ERCC1: variants seen among roughly 807,000 people sequenced by gnomAD.
The protein encoded by ERCC1 is ERCC excision repair 1, endonuclease non-catalytic subunit.
A neutral mutation model predicts 37.6 loss-of-function variants in ERCC1; 36 were observed. The ratio of observed to expected loss-of-function variants is 0.96; its 90% confidence interval spans 0.73 to 1.26. ERCC1 has a LOEUF of 1.26. Among genes scored for constraint, ERCC1 ranks in the 50% most tolerant of loss-of-function variants. The pLI, the probability that ERCC1 is intolerant of heterozygous loss-of-function variation, is 0.00. For missense variants in ERCC1, 349 were observed against 376.5 expected, an observed-to-expected ratio of 0.93 and a Z score of 0.60; for synonymous variants, 156 against 162.1, an observed-to-expected ratio of 0.96 and a Z score of 0.28.
intron 1 of ERCC1, among the ~76,000 whole-genome samples, chr19:45,429,951 A>AT (rs896875063): frequency 5.3e-5 from 8 of 152,048 alleles, no homozygotes; most frequent in East Asian, 1.9e-4. Flanking sequence ...CACCCAGCTA[A>AT]TTTTTTATTT....
At chr19:45,447,830 G>T (rs1338952199) in intron 1 of ERCC1, among the ~76,000 whole-genome samples, 1 of 151,958 alleles carries the variant, frequency 6.6e-6, no homozygotes, top group African/African-American at 2.4e-5. Context: ...AATCACCTGG[G>T]GAGTAACTCA....
chr19:45,423,799 G>A lies in ERCC1; in HGVS notation c.-26C>T. On this transcript the variant is annotated 5_prime_UTR_variant, in exon 1 of 10. Transcript: ENST00000300853. ...CCCGCACCTGTGGTCCGGGCCTCAC[G>A]GTTTCAGCGCCGCGAGGCCTCACCT... 5.3e-6 allele frequency: 6 copies of A among 1,122,112 alleles called. No individual in the cohort carries two copies. The South Asian group carries it at 1.2e-4, about 23-fold the overall frequency. 69.5% of individuals were successfully genotyped at this position (1,122,112 alleles called of 1,614,324 possible). A position where few individuals can be genotyped will look rare whatever the true frequency, so the allele number is the denominator to read the frequency against.
upstream of ERCC1, among the ~76,000 whole-genome samples, chr19:45,427,650 G>A (rs1974728165): frequency 6.6e-6 from 1 of 152,174 alleles, no homozygotes; most frequent in Admixed American, 6.6e-5. Context: ...ATATGCCTCT[G>A]TATCCAAGAC....
intron 1 of ERCC1, among the ~76,000 whole-genome samples, chr19:45,438,273 G>A (rs1299971611): frequency 1.3e-5 from 2 of 151,816 alleles, no homozygotes; most frequent in Non-Finnish European, 2.9e-5. Flanking sequence ...TCACTACATT[G>A]CCCAGATTAG....
At chr19:45,426,959 T>TCAAAAAAAAAAAAA (rs35772076), upstream of ERCC1, among the ~76,000 whole-genome samples, 1 of 92,466 alleles carries the variant, frequency 1.1e-5, no homozygotes. Context: ...AAACTCCATC[T>TCAAAAAAAAAAAAA]AAAAAAAAAA....
chr19:45,433,962 G>A (rs112884068), intron 1 of ERCC1, among the ~76,000 whole-genome samples: 11,658 of 151,406 alleles, frequency 0.077, 1,450 homozygotes, highest in African/African-American at 0.27. Flanking sequence ...GTGAAACCCC[G>A]TCTCTACTAA....
chr19:45,411,987 G>C (rs1973767459), intron 9 of ERCC1, among the ~76,000 whole-genome samples: 1 of 151,632 alleles, frequency 6.6e-6, no homozygotes, highest in South Asian at 2.1e-4. Flanking sequence ...CTCCCGAGTA[G>C]CTGGGACTAC....
rs771033441 is a variant in ERCC1, at chr19:45,408,407, C to A, written c.*1268G>T. ...ACCACAGATCCCTCCTGGCCTGAGG[C>A]CTCGGTTCTGTGCCTTTGGGGGCAA... On this transcript the variant is annotated 3_prime_UTR_variant, in exon 10 of 10. Transcript: ENST00000300853. The A allele has an allele frequency of 6.2e-7, 1 of 1,613,418 alleles. No individual in the cohort carries two copies. The highest frequency in any genetic ancestry group is 2.2e-5 in the East Asian group (1 of 44,872).
chr19:45,440,207 C>T (rs554103018), intron 1 of ERCC1, among the ~76,000 whole-genome samples: 1 of 151,834 alleles, frequency 6.6e-6, no homozygotes, highest in African/African-American at 2.4e-5. Flanking sequence ...CTCAGCTTCA[C>T]CTCCATTCCT....
chr19:45,410,483 A>G (rs1191089705), intron 9 of ERCC1: 1 of 151,914 alleles, frequency 6.6e-6, no homozygotes, highest in Non-Finnish European at 1.5e-5. Context: ...GCACCCTGCC[A>G]AGTTATTTTA....
chr19:45,442,899 A>G (rs1975157645), intron 1 of ERCC1, among the ~76,000 whole-genome samples: 1 of 151,994 alleles, frequency 6.6e-6, no homozygotes, highest in South Asian at 2.1e-4. Flanking sequence ...GTATAGAAGA[A>G]GCAGGCTGCT....
chr19:45,450,771 CA>C (rs34533501), intron 1 of ERCC1: 58,989 of 112,788 alleles, frequency 0.52, 13,806 homozygotes, highest in African/African-American at 0.63. Context: ...GACTCCGTCT[CA>C]AAAAAAAAAA....
intron 2 of ERCC1, among the ~76,000 whole-genome samples, chr19:45,421,979 C>T (rs963041151): frequency 9.9e-5 from 15 of 152,014 alleles, no homozygotes; most frequent in Admixed American, 9.9e-4. Context: ...CCTAATGTCC[C>T]TTCCAGAAGG....
At position 45,421,175 on chromosome 19, in the gene ERCC1, C is replaced by T. The variant is rs970333415; in HGVS notation, c.321+3G>A. 1.9e-6 allele frequency: 3 copies of T among 1,613,794 alleles called. No homozygotes were observed. The highest frequency in any genetic ancestry group is 2.5e-6 in the Non-Finnish European group (3 of 1,179,884). ...GGCCTCACTTCTCCGTCTCCCTCCT[C>T]ACCTGCCGAGGGCTCACAATGATGC... On this transcript the variant is annotated splice_donor_region_variant and intron_variant, in intron 3 of 9. Transcript: ENST00000300853.
intron 1 of ERCC1, among the ~76,000 whole-genome samples, chr19:45,451,040 C>A (rs1464163182): frequency 1.3e-5 from 2 of 151,970 alleles, no homozygotes; most frequent in African/African-American, 4.8e-5. Context: ...CAGACCGGCC[C>A]GCCGGGAGCC....
Position 45,411,076 on chromosome 19 carries a change from G to A in ERCC1, c.844-1351C>T, listed in dbSNP as rs150329681. Among the ~76,000 whole-genome samples the A allele has an allele frequency of 1.8e-3, 273 of 152,102 alleles. 1 individual carries two copies. Among genetic ancestry groups the A allele is most frequent in the Middle Eastern group, 6.8e-3 (2 of 294 alleles). On this transcript the variant is annotated intron_variant, in intron 9 of 9. Coordinates refer to ENST00000300853, the MANE Select transcript of ERCC1 (RefSeq NM_001983.4). The stretch of plus-strand genomic sequence containing the variant: ...TGGCCTCAAGTGATCTGCCCGCCTC[G>A]GCCTCCCAAAGTGCTGGGATTAGAG...
At position 45,408,603 on chromosome 19, in the gene ERCC1, A is replaced by G. The variant is rs1430673074; in HGVS notation, c.*1072T>C. 1.2e-6 allele frequency: 2 copies of G among 1,612,660 alleles called. No homozygotes were observed. The highest frequency in any genetic ancestry group is 4.5e-5 in the East Asian group (2 of 44,880). On this transcript the variant is annotated 3_prime_UTR_variant, in exon 10 of 10. Transcript: ENST00000300853. ...GGGTCGCCAGAAATGGATGTGCGGA[A>G]GAAGAAGAAGAAAAAAAATCAGCAG...
rs377744579 is a variant in ERCC1 at position 45,409,633 on chromosome 19, G to A, written c.*42C>T. On this transcript the variant is annotated 3_prime_UTR_variant, in exon 10 of 10. Coordinates refer to ENST00000300853, the MANE Select transcript of ERCC1 (RefSeq NM_001983.4). ...CAGCAGGAGCCTGGCCTGGGAGGAC[G>A]ATTTATTATTACACTGGGGGTTTCC... The A allele has an allele frequency of 5.0e-5, 76 of 1,510,676 alleles. No homozygotes were observed. Among genetic ancestry groups the A allele is most frequent in the Non-Finnish European group, 6.1e-5 (66 of 1,089,660 alleles). 93.6% of individuals were successfully genotyped at this position (1,510,676 alleles called of 1,614,324 possible).
chr19:45,409,363 G>A lies in ERCC1; in HGVS notation c.*312C>T, dbSNP rs1231687687. 1 of 1,614,182 alleles carries A rather than the reference G, an allele frequency of 6.2e-7. No homozygotes were observed. The highest frequency in any genetic ancestry group is 8.5e-7 in the Non-Finnish European group (1 of 1,180,038). ...CGGGATCCACCAAGAAGAGGAAGAA[G>A]CAGAGTCAGGAAAGCCGGATGCCAG... On this transcript the variant is annotated 3_prime_UTR_variant, in exon 10 of 10. Coordinates refer to ENST00000300853, the MANE Select transcript of ERCC1 (RefSeq NM_001983.4).
Sources: allele counts gnomAD v4.1 joint callset (sites outside exome capture counted in the v4.1 genomes callset), GRCh38; gene constraint gnomAD v4.1.1; transcripts MANE v1.5; gene names NCBI Gene and HGNC (gene_info 2026-07-23, HGNC 2026-07-21).